The following MEGF10 variants were observed in gnomAD, a reference collection of about 807,000 sequenced individuals.
The protein encoded by MEGF10 is multiple epidermal growth factor-like domains protein 10.
Under a neutral mutation model 147.5 loss-of-function variants are expected in MEGF10, and 86 were observed. The ratio of observed to expected loss-of-function variants is 0.58; its 90% CI spans 0.49 to 0.70. MEGF10 has a LOEUF of 0.70. Ranked by LOEUF, MEGF10 falls within the 30% of genes least tolerant of loss-of-function variation. The probability of loss-of-function intolerance (pLI) is 0.00; values close to 1 mark genes in which losing one functional copy is unlikely to be tolerated. For synonymous variants in MEGF10, 478 were observed against 525.5 expected (o/e 0.91, Z 1.24); for missense variants, 1,329 against 1,487.3 (o/e 0.89, Z 1.75).
intron 2 of MEGF10, among the ~76,000 whole-genome samples, chr5:127,335,305 T>C (rs1383153637): frequency 6.6e-6 from 1 of 152,184 alleles, no homozygotes; most frequent in Non-Finnish European, 1.5e-5. Flanking sequence ...TCAGTGTTGC[T>C]CATTGTCAAT....
chr5:127,339,280 G>A, intron 3 of MEGF10, 59 bp downstream of exon 3: 1 of 1,168,638 alleles, frequency 8.6e-7, no homozygotes, highest in East Asian at 2.4e-5. Context: ...TTCTAATACA[G>A]AGATATTAAT....
the MEGF10 span, among the ~76,000 whole-genome samples, chr5:127,266,797 C>A: frequency 6.6e-6 from 1 of 152,198 alleles, no homozygotes; most frequent in African/African-American, 2.4e-5. Flanking sequence ...GCTGAAGTTG[C>A]TTATCAGCTT....
At chr5:127,229,834 G>A in the MEGF10 span, 6 of 152,208 alleles carry the variant, frequency 3.9e-5, no homozygotes, top group Non-Finnish European at 5.9e-5. Context: ...CCCCCTCTGG[G>A]GGCCGAAGCA....
chr5:127,271,841 T>C, the MEGF10 span, among the ~76,000 whole-genome samples: 3 of 152,346 alleles, frequency 2.0e-5, no homozygotes, highest in Admixed American at 2.0e-4. Context: ...TTATTAATTA[T>C]CCAGTCTCAG....
chr5:127,247,610 A>G, the MEGF10 span, among the ~76,000 whole-genome samples: 1 of 152,074 alleles, frequency 6.6e-6, no homozygotes, highest in African/African-American at 2.4e-5. Flanking sequence ...CTCACACTAC[A>G]ATGAAAGAAA....
chr5:127,385,611 T>C (rs542390213), intron 5 of MEGF10, among the ~76,000 whole-genome samples: 1 of 152,328 alleles, frequency 6.6e-6, no homozygotes, highest in South Asian at 2.1e-4. Flanking sequence ...GTGTTAGTTA[T>C]TGCAAACAGT....
chr5:127,363,033 G>C (rs1282893627), intron 4 of MEGF10, among the ~76,000 whole-genome samples: 4 of 152,106 alleles, frequency 2.6e-5, no homozygotes, highest in African/African-American at 9.7e-5. Flanking sequence ...GAGAGAATGA[G>C]GTATGTATCT....
the MEGF10 span, among the ~76,000 whole-genome samples, chr5:127,281,106 T>G: frequency 6.6e-6 from 1 of 152,194 alleles, no homozygotes; most frequent in Non-Finnish European, 1.5e-5. Flanking sequence ...GCATCTGGCA[T>G]CCAGTGGCAG....
rs564552677 is a variant in MEGF10, at chr5:127,410,704, C to G, written c.1130+103C>G. ...TGATAGAGTGATTCTCACCCCAAGCCCCCTCCTGCCTCTAGGCTACTCTGG... is the reference window on the plus strand; with the variant it reads ...TGATAGAGTGATTCTCACCCCAAGCGCCCTCCTGCCTCTAGGCTACTCTGG... On this transcript the variant is annotated intron_variant, in intron 9 of 24. Transcript: ENST00000503335. 74 of 1,048,354 alleles carry G rather than the reference C, an allele frequency of 7.1e-5. 2 individuals are homozygous for G. The South Asian group carries it at 9.6e-4, about 14-fold the overall frequency. The allele number at this position is 1,048,354 out of a possible 1,614,324, so 64.9% of individuals were successfully genotyped here.
chr5:127,278,014 C>T, the MEGF10 span, among the ~76,000 whole-genome samples: 1 of 152,026 alleles, frequency 6.6e-6, no homozygotes, highest in Non-Finnish European at 1.5e-5. Flanking sequence ...GCCTGAAGAT[C>T]TATATTTAGG....
At chr5:127,267,709 T>C in the MEGF10 span, among the ~76,000 whole-genome samples, 4 of 152,236 alleles carry the variant, frequency 2.6e-5, no homozygotes, top group African/African-American at 9.6e-5. Flanking sequence ...TTTATTTGCA[T>C]AGAGGTGTTT....
rs1046814938 is a variant in MEGF10, at chr5:127,403,903, T to A, written c.917+1221T>A. ...ATTGTAAACAGTGCTGCAACAAACA[T>A]AGGAGTGCAGATATCACTTCCATAT... is the stretch of plus-strand genomic sequence containing the variant. On this transcript the variant is annotated intron_variant, in intron 8 of 24. Coordinates refer to ENST00000503335, the MANE Select transcript of MEGF10 (RefSeq NM_001256545.2). Among the ~76,000 whole-genome samples, 5 of 152,336 alleles carry A rather than the reference T, an allele frequency of 3.3e-5. No individual in the cohort carries two copies. The South Asian group carries it at 1.0e-3, about 32-fold the overall frequency.
rs550877791 is a variant in MEGF10 at position 127,364,585 on chromosome 5, C to T, written c.320-5325C>T. ...ATTCCCTTTCCTTTTTATAAGCAAA[C>T]ACAATAGGGTAGGCTGCAATATAAT... On this transcript the variant is annotated intron_variant, in intron 4 of 24. Transcript: ENST00000503335. 8.5e-5 allele frequency among the ~76,000 whole-genome samples: 13 copies of T among 152,252 alleles called. No individual in the cohort carries two copies. The South Asian group carries it at 2.3e-3, about 27-fold the overall frequency.
At chr5:127,286,465 AT>A (rs1759032654), upstream of MEGF10, among the ~76,000 whole-genome samples, 1 of 152,064 alleles carries the variant, frequency 6.6e-6, no homozygotes, top group African/African-American at 2.4e-5. Flanking sequence ...TACCTAAAAA[AT>A]TCCCTGAAAT....
Position 127,457,218 on chromosome 5 carries a change from C to T in MEGF10, c.3323C>T (p.Pro1108Leu). 2.5e-6 allele frequency: 4 copies of T among 1,614,164 alleles called. No individual in the cohort carries two copies. The highest frequency in any genetic ancestry group is 3.4e-6 in the Non-Finnish European group (4 of 1,180,016). ...PYDLPKNSHIPCHYDLLPVRD... is the reference protein window; with the variant it reads ...PYDLPKNSHILCHYDLLPVRD... ...GACCTCCCAAAGAACAGTCACATCCCTTGTCATTATGACCTGCTGCCAGTC... is the reference window on the plus strand; with the variant it reads ...GACCTCCCAAAGAACAGTCACATCCTTTGTCATTATGACCTGCTGCCAGTC... Residue 1108 changes from proline to leucine, a missense_variant, in exon 25 of 25, where the codon CCT becomes CTT. Around this residue, in one of 3 missense-constraint regions of MEGF10, gnomAD observed 343 missense variants for 377.9 expected, o/e 0.91. Coordinates refer to ENST00000503335, the MANE Select transcript of MEGF10 (RefSeq NM_001256545.2).
chr5:127,445,123 G>T, intron 19 of MEGF10: 1 of 213,070 alleles, frequency 4.7e-6, no homozygotes, highest in South Asian at 1.2e-4. Context: ...TTAGGGACAG[G>T]GTCTTGCTAT....
At chr5:127,242,913 G>A in the MEGF10 span, among the ~76,000 whole-genome samples, 1 of 152,110 alleles carries the variant, frequency 6.6e-6, no homozygotes, top group Non-Finnish European at 1.5e-5. Context: ...TTAGCCACAA[G>A]TATCTAGCCA....
the MEGF10 span, among the ~76,000 whole-genome samples, chr5:127,244,905 T>C: frequency 2.0e-5 from 3 of 151,908 alleles, no homozygotes; most frequent in African/African-American, 7.2e-5. Flanking sequence ...ATTTTAGAAA[T>C]GTAAAGACAT....
At chr5:127,345,320 T>A (rs551217174) in intron 4 of MEGF10, among the ~76,000 whole-genome samples, 159 of 151,862 alleles carry the variant, frequency 1.0e-3, no homozygotes, top group Non-Finnish European at 2.1e-3. Flanking sequence ...GGGTCCAGAG[T>A]GGGGCCCAAA....
Sources: allele counts gnomAD v4.1 joint callset (sites outside exome capture counted in the v4.1 genomes callset), GRCh38; gene constraint gnomAD v4.1.1; regional missense constraint gnomAD v4.1.1; transcripts MANE v1.5; gene names NCBI Gene and HGNC (gene_info 2026-07-23, HGNC 2026-07-21).